TNRC18: variants seen among roughly 807,000 people sequenced by gnomAD.
TNRC18 encodes trinucleotide repeat containing 18.
TNRC18 carries 69 observed loss-of-function variants against 226.7 expected under a neutral mutation model. That is an observed-to-expected ratio of 0.30 (90% confidence interval 0.25 to 0.37). The LOEUF (loss-of-function observed/expected upper bound fraction) is 0.37, where lower values mean the gene tolerates loss of function less well. Ranked by LOEUF, TNRC18 falls within the 10% of genes least tolerant of loss-of-function variation. TNRC18 has a pLI of 1.00. For synonymous variants in TNRC18, 2,449 were observed against 1,927.6 expected, an observed-to-expected ratio of 1.27 and a Z score of -7.09; for missense variants, 4,754 against 4,256.6, an observed-to-expected ratio of 1.12 and a Z score of -3.25.
In TNRC18 at chr7:5,315,098, G is replaced by A. The variant is rs759688023; in HGVS notation, c.6913C>T (p.Arg2305Trp). Residue 2305 changes from arginine to tryptophan, a missense_variant, in exon 26 of 30, where the codon CGG (arginine) becomes TGG (tryptophan). Physicochemically the swap from Arg to Trp is moderately radical, Grantham distance 101. Coordinates refer to ENST00000430969, the MANE Select transcript of TNRC18 (RefSeq NM_001080495.3). The stretch of plus-strand genomic sequence containing the variant: ...TCCCCAGTGTCTTTGCTGGTCTTCC[G>A]GCTGCGGCGCTTGGCACTTGGCACC... ...LLVPSAKRRSRKTSKDTGEGK... is the reference protein window; with the variant it reads ...LLVPSAKRRSWKTSKDTGEGK... 4.3e-6 allele frequency: 7 copies of A among 1,612,884 alleles called. No homozygotes were observed. The highest frequency in any genetic ancestry group is 2.2e-5 in the East Asian group (1 of 44,864).
intron 18 of TNRC18, among the ~76,000 whole-genome samples, chr7:5,341,247 TAAA>T (rs199568595): frequency 7.3e-6 from 1 of 137,314 alleles, no homozygotes; most frequent in Non-Finnish European, 1.6e-5. Flanking sequence ...CTGTCTCTAC[TAAA>T]AAAAAAAAGC....
At chr7:5,315,416 GTTTTT>G (rs10601250) in intron 25 of TNRC18, among the ~76,000 whole-genome samples, 6 of 147,520 alleles carry the variant, frequency 4.1e-5, no homozygotes, top group Admixed American at 6.8e-5. Flanking sequence ...CTTTTGTTGG[GTTTTT>G]TTTTTTTTTT....
In TNRC18 at chr7:5,387,684, T is replaced by G. The variant is rs373224154; in HGVS notation, c.2140A>C (p.Ser714Arg). Residue 714 changes from serine (S) to arginine (R), a missense_variant, in exon 5 of 30, where the codon AGT becomes CGT. Ser to Arg is a moderately radical substitution (Grantham distance 110). Transcript: ENST00000430969. ...LVDQERSLSL[S>R]NVKGHGRADE... ...GCCCAGGACCTACCTTTGACGTTACTCAGCGACAGAGAGCGCTCCTGGTCT... is the reference window on the plus strand; with the variant it reads ...GCCCAGGACCTACCTTTGACGTTACGCAGCGACAGAGAGCGCTCCTGGTCT... 181 of 1,604,298 alleles carry G rather than the reference T, an allele frequency of 1.1e-4. No individual in the cohort carries two copies. The highest frequency in any genetic ancestry group is 2.0e-4 in the East Asian group (9 of 44,896).
At position 5,389,023 on chromosome 7, in the gene TNRC18, A is replaced by G; in HGVS notation, c.801T>C (p.Ala267=). 1.5e-6 allele frequency: 2 copies of G among 1,325,144 alleles called. No homozygotes were observed. The highest frequency in any genetic ancestry group is 1.7e-5 in the South Asian group (1 of 60,012). The allele number at this position is 1,325,144 out of a possible 1,614,324, so 82.1% of individuals were successfully genotyped here. ...RLAERLSPFL[A]ESKTKNAALQ... The stretch of plus-strand genomic sequence containing the variant: ...GCGCCGCATTCTTGGTCTTGGACTC[A>G]GCCAGGAAGGGCGACAGGCGCTCAG... The change falls in exon 5 of 30, where the codon GCT becomes GCC. Residue 267 remains alanine, a synonymous_variant. Transcript: ENST00000430969.
intron 4 of TNRC18, chr7:5,390,033 C>G: frequency 4.5e-6 from 1 of 219,938 alleles, no homozygotes; most frequent in East Asian, 9.5e-5. Context: ...TGTGGGTGGG[C>G]CCAAGGAGCC....
intron 14 of TNRC18, 60 bp from the exon 15 acceptor site, chr7:5,359,629 T>C: frequency 6.3e-7 from 1 of 1,597,256 alleles, no homozygotes; most frequent in Non-Finnish European, 8.5e-7. Flanking sequence ...CAGGCTGAGG[T>C]CCACCCTCAT....
intron 5 of TNRC18, among the ~76,000 whole-genome samples, chr7:5,386,594 GA>G (rs1451427335): frequency 1.3e-4 from 19 of 149,560 alleles, no homozygotes; most frequent in Admixed American, 1.2e-3. Context: ...AAAAGAAAAA[GA>G]AAAAATTAGT....
chr7:5,309,444 T>A lies in TNRC18; in HGVS notation c.8389-76A>T. The A allele has an allele frequency of 7.3e-7, 1 of 1,364,014 alleles. No homozygotes were observed. The highest frequency in any genetic ancestry group is 1.0e-6 in the Non-Finnish European group (1 of 997,140). 84.5% of individuals were successfully genotyped at this position (1,364,014 alleles called of 1,614,324 possible). ...CCCGCCGCCTGGCAGGCTCTGCCGCTTGGGACTCTGGGCCCTCGGCCTCTA... is the reference window on the plus strand; with the variant it reads ...CCCGCCGCCTGGCAGGCTCTGCCGCATGGGACTCTGGGCCCTCGGCCTCTA... On this transcript the variant is annotated intron_variant, in intron 27 of 29. Transcript: ENST00000430969. This position sits in a 1 kb window ranked among gnomAD's most constrained non-coding sequence, Gnocchi z 5.7.
chr7:5,343,806 A>G (rs1167581744), intron 18 of TNRC18, among the ~76,000 whole-genome samples: 1 of 152,238 alleles, frequency 6.6e-6, no homozygotes, highest in Non-Finnish European at 1.5e-5. Context: ...GCAACAGTAT[A>G]GTTTAAACGT....
rs1793105980 is a variant in TNRC18 at position 5,361,988 on chromosome 7, G to A, written c.4441C>T (p.Leu1481=). ...TCGGCCAGCCGCATCCGGAAGTCCA[G>A]CTCCAGGGCGTCCATGTCCTCCAGG... ...SSLEDMDALE[L]DFRMRLAEVQ... Residue 1481 remains leucine, a synonymous_variant, in exon 13 of 30, where the codon CTG becomes TTG. Transcript: ENST00000430969. The A allele has an allele frequency of 6.2e-7, 1 of 1,613,600 alleles. No homozygotes were observed. The highest frequency in any genetic ancestry group is 2.2e-5 in the East Asian group (1 of 44,858).
At position 5,313,812 on chromosome 7, in the gene TNRC18, G is replaced by C; in HGVS notation, c.7079C>G (p.Thr2360Ser). 1.3e-6 allele frequency: 2 copies of C among 1,513,938 alleles called. No individual in the cohort carries two copies. The highest frequency in any genetic ancestry group is 1.8e-6 in the Non-Finnish European group (2 of 1,131,638). The allele number at this position is 1,513,938 out of a possible 1,614,324, so 93.8% of individuals were successfully genotyped here. ...GCTGCTCGGCTCCAGGGCTAAGGGG[G>C]TACTGGGGACCTCGTCTGTTGGGTT... is the stretch of plus-strand genomic sequence containing the variant. ...EGNPTDEVPS[T>S]PLALEPSSTP... Residue 2360 changes from threonine (T) to serine (S), a missense_variant, in exon 27 of 30, where the codon ACC becomes AGC. Coordinates refer to ENST00000430969, the MANE Select transcript of TNRC18 (RefSeq NM_001080495.3).
chr7:5,400,685 A>G (rs1311695848), intron 2 of TNRC18, among the ~76,000 whole-genome samples: 2 of 152,202 alleles, frequency 1.3e-5, no homozygotes, highest in South Asian at 2.1e-4. Flanking sequence ...AAACACCACT[A>G]AAGTATACAC....
chr7:5,353,884 G>A (rs148069998), intron 16 of TNRC18, among the ~76,000 whole-genome samples: 8 of 152,246 alleles, frequency 5.3e-5, no homozygotes, highest in Non-Finnish European at 1.2e-4. Context: ...TTCGACACAG[G>A]CACGATGGAG....
At position 5,324,377 on chromosome 7, in the gene TNRC18, C is replaced by T. The variant is rs2128118275; in HGVS notation, c.6301-22G>A. On this transcript the variant is annotated intron_variant, in intron 20 of 29. Transcript: ENST00000430969. This position sits in a 1 kb window ranked among gnomAD's most constrained non-coding sequence, Gnocchi z 4.8. ...GGTTCTGGGGACAGAACATGGCCGA[C>T]AAATGACTTAGGACCTGAACAGGGG... The T allele has an allele frequency of 6.2e-7, 1 of 1,612,100 alleles. No homozygotes were observed. The highest frequency in any genetic ancestry group is 8.5e-7 in the Non-Finnish European group (1 of 1,179,520).
At chr7:5,376,434 T>C (rs1178717660) in intron 8 of TNRC18, among the ~76,000 whole-genome samples, 1 of 152,116 alleles carries the variant, frequency 6.6e-6, no homozygotes, top group Admixed American at 6.5e-5. Flanking sequence ...AACACAGCCC[T>C]GTCCACACCC....
At chr7:5,397,293 G>C (rs376249410) in intron 2 of TNRC18, among the ~76,000 whole-genome samples, 1 of 152,188 alleles carries the variant, frequency 6.6e-6, no homozygotes, top group Non-Finnish European at 1.5e-5. Context: ...CAGGGTTTGC[G>C]CAAGAGCTTA....
intron 18 of TNRC18, among the ~76,000 whole-genome samples, chr7:5,336,467 G>T (rs1380991641): frequency 6.6e-6 from 1 of 151,866 alleles, no homozygotes; most frequent in Non-Finnish European, 1.5e-5. Flanking sequence ...GAACTGGCTA[G>T]GCACAGTGGC....
chr7:5,355,356 G>A (rs1363168967), intron 16 of TNRC18, among the ~76,000 whole-genome samples: 1 of 152,228 alleles, frequency 6.6e-6, no homozygotes, highest in Non-Finnish European at 1.5e-5. Context: ...AGCTAGGCAA[G>A]GCAGCTCACG....
chr7:5,366,979 G>A (rs4458770), intron 11 of TNRC18, among the ~76,000 whole-genome samples: 110,318 of 152,104 alleles, frequency 0.73, 41,095 homozygotes, highest in African/African-American at 0.91. Context: ...CTCATTAGGT[G>A]ACCTCTGTGG....
Sources: gnomAD v4.1 joint callset for allele counts (sites outside exome capture counted in the v4.1 genomes callset) on GRCh38, gnomAD v4.1.1 for gene constraint, Gnocchi (gnomAD v3.1) non-coding constraint, MANE v1.5 for transcripts, NCBI Gene and HGNC (gene_info 2026-07-23, HGNC 2026-07-21) for gene names.